Variants in MAPKAP1 observed in about 807,000 individuals in gnomAD.
The protein encoded by MAPKAP1 is target of rapamycin complex 2 subunit MAPKAP1.
MAPKAP1 carries 20 observed loss-of-function variants against 65.7 expected under a neutral mutation model. The ratio of observed to expected loss-of-function variants is 0.30; its 90% CI spans 0.21 to 0.44. The LOEUF (loss-of-function observed/expected upper bound fraction) is 0.44, where lower values mean the gene tolerates loss of function less well. Among genes scored for constraint, MAPKAP1 ranks in the 20% least tolerant of loss-of-function variants. The pLI, the probability that MAPKAP1 is intolerant of heterozygous loss-of-function variation, is 1.00. For synonymous variants in MAPKAP1, 222 were observed against 244.3 expected (o/e 0.91, Z 0.85); for missense variants, 423 against 648.0 (o/e 0.65, Z 3.77).
chr9:125,543,951 C>T (rs527372006), intron 6 of MAPKAP1, among the ~76,000 whole-genome samples: 11 of 152,272 alleles, frequency 7.2e-5, no homozygotes, highest in Non-Finnish European at 1.5e-4. Context: ...GGCAGTAATA[C>T]CCCAAAGTAA....
Position 125,447,667 on chromosome 9 carries a change from G to A in MAPKAP1, c.1346-3069C>T, listed in dbSNP as rs1323016048. 2.0e-5 allele frequency among the ~76,000 whole-genome samples: 3 copies of A among 152,324 alleles called. No homozygotes were observed. The East Asian group carries it at 5.8e-4, about 29-fold the overall frequency. On this transcript the variant is annotated intron_variant, in intron 10 of 11. Transcript: ENST00000265960. This position sits in a 1 kb window ranked among gnomAD's most constrained non-coding sequence, Gnocchi z 4.5. ...GCCAGGAGCATGGGCTAGAGCAAAG[G>A]ACAGAGAAATGAACACCGAGAGTCA...
At chr9:125,635,069 G>A (rs937483287) in intron 4 of MAPKAP1, among the ~76,000 whole-genome samples, 4 of 152,082 alleles carry the variant, frequency 2.6e-5, no homozygotes, top group African/African-American at 9.7e-5. Context: ...CATTCTCTTG[G>A]GCACTAATCT....
In MAPKAP1 at chr9:125,702,200, C is replaced by G. The variant is rs7020172; in HGVS notation, c.-70+4771G>C. Among the ~76,000 whole-genome samples, 526 of 152,226 alleles carry G rather than the reference C, an allele frequency of 3.5e-3. 2 individuals are homozygous for G. Among genetic ancestry groups the G allele is most frequent in the African/African-American group, 0.012 (502 of 41,544 alleles). Reference sequence around the variant, plus strand: ...TCATTTGAAGGCAGGAGTTCAAGACCAGCCTAGGCAACATAGATAGACACC... The same window carrying G: ...TCATTTGAAGGCAGGAGTTCAAGACGAGCCTAGGCAACATAGATAGACACC... On this transcript the variant is annotated intron_variant, in intron 1 of 11. Coordinates refer to ENST00000265960, the MANE Select transcript of MAPKAP1 (RefSeq NM_001006617.3).
chr9:125,609,234 T>C (rs934730818), intron 4 of MAPKAP1, among the ~76,000 whole-genome samples: 8 of 152,324 alleles, frequency 5.3e-5, no homozygotes, highest in East Asian at 3.9e-4. Flanking sequence ...AATTCCTATC[T>C]TTGAGGTCTC....
intron 3 of MAPKAP1, among the ~76,000 whole-genome samples, chr9:125,667,585 G>A (rs1168349546): frequency 6.6e-6 from 1 of 152,020 alleles, no homozygotes; most frequent in Non-Finnish European, 1.5e-5. Flanking sequence ...CTAATTTTTT[G>A]TATTTTTAGT....
At chr9:125,608,042 C>A (rs1320383020) in intron 4 of MAPKAP1, among the ~76,000 whole-genome samples, 1 of 152,164 alleles carries the variant, frequency 6.6e-6, no homozygotes, top group African/African-American at 2.4e-5. Flanking sequence ...GTATGTCACG[C>A]CAGCGCCTGT....
At chr9:125,517,800 T>C (rs1452636834) in intron 7 of MAPKAP1, among the ~76,000 whole-genome samples, 2 of 152,186 alleles carry the variant, frequency 1.3e-5, no homozygotes, top group Non-Finnish European at 2.9e-5. Context: ...TCTGCAGCCC[T>C]GCCTGAATCC....
At chr9:125,690,357 TA>T (rs1835130509) in intron 1 of MAPKAP1, among the ~76,000 whole-genome samples, 1 of 152,156 alleles carries the variant, frequency 6.6e-6, no homozygotes, top group African/African-American at 2.4e-5. Context: ...AAAGAAAAGA[TA>T]ACTACCCTTT....
chr9:125,700,898 C>T (rs1046496970), intron 1 of MAPKAP1, among the ~76,000 whole-genome samples: 15 of 152,316 alleles, frequency 9.8e-5, no homozygotes, highest in African/African-American at 2.9e-4. Flanking sequence ...GGTGTCTCTA[C>T]GCCCCCTTTC....
intron 7 of MAPKAP1, among the ~76,000 whole-genome samples, chr9:125,514,264 C>A (rs537759802): frequency 2.0e-5 from 3 of 152,302 alleles, no homozygotes; most frequent in African/African-American, 4.8e-5. Flanking sequence ...CTTCTCTGTG[C>A]TCCCACACAG....
At position 125,449,889 on chromosome 9, in the gene MAPKAP1, C is replaced by T. The variant is rs117028880; in HGVS notation, c.1346-5291G>A. On this transcript the variant is annotated intron_variant, in intron 10 of 11. Coordinates refer to ENST00000265960, the MANE Select transcript of MAPKAP1 (RefSeq NM_001006617.3). ...GTGCTCCCAGACTTCCACTGCAAAT[C>T]AACTGAAAGAAGGGTCTTTTTTTGA... Among the ~76,000 whole-genome samples the T allele has an allele frequency of 4.7e-3, 721 of 152,218 alleles. 2 individuals carry two copies. The highest frequency in any genetic ancestry group is 6.0e-3 in the Non-Finnish European group (405 of 67,996).
At chr9:125,584,370 GA>G in intron 5 of MAPKAP1, among the ~76,000 whole-genome samples, 1 of 152,284 alleles carries the variant, frequency 6.6e-6, no homozygotes, top group Admixed American at 6.5e-5. Context: ...TATACCTAAA[GA>G]AAAATAAAAA....
intron 4 of MAPKAP1, among the ~76,000 whole-genome samples, chr9:125,597,879 C>T (rs1832185836): frequency 6.6e-6 from 1 of 152,138 alleles, no homozygotes; most frequent in African/African-American, 2.4e-5. Context: ...CCAAAGGATG[C>T]TATATTCTAC....
At chr9:125,693,386 C>G (rs1835226269) in intron 1 of MAPKAP1, among the ~76,000 whole-genome samples, 1 of 147,834 alleles carries the variant, frequency 6.8e-6, no homozygotes, top group African/African-American at 2.5e-5. Flanking sequence ...TGCACTCCAG[C>G]TCAAGTAACA....
At chr9:125,620,972 A>C (rs1832880114) in intron 4 of MAPKAP1, among the ~76,000 whole-genome samples, 1 of 152,096 alleles carries the variant, frequency 6.6e-6, no homozygotes, top group Non-Finnish European at 1.5e-5. Context: ...TAAGATAAGA[A>C]TAACAACAGT....
At chr9:125,665,133 C>T (rs1834304255) in intron 3 of MAPKAP1, among the ~76,000 whole-genome samples, 1 of 152,002 alleles carries the variant, frequency 6.6e-6, no homozygotes, top group African/African-American at 2.4e-5. Flanking sequence ...AAAACCCTGC[C>T]TCTACTAAAA....
intron 5 of MAPKAP1, among the ~76,000 whole-genome samples, chr9:125,573,190 G>C (rs918985835): frequency 3.3e-5 from 5 of 151,696 alleles, no homozygotes; most frequent in African/African-American, 1.2e-4. Flanking sequence ...CTACCAGGCT[G>C]CACTCCCAGA....
intron 4 of MAPKAP1, among the ~76,000 whole-genome samples, chr9:125,625,272 A>AC (rs1564589715): frequency 3.4e-5 from 5 of 147,472 alleles, no homozygotes; most frequent in Non-Finnish European, 6.0e-5. Context: ...AAAAAAAAAA[A>AC]AAAAAAAACA....
chr9:125,483,986 C>A (rs1274030126), intron 9 of MAPKAP1, among the ~76,000 whole-genome samples: 1 of 152,118 alleles, frequency 6.6e-6, no homozygotes, highest in Non-Finnish European at 1.5e-5. Flanking sequence ...ACAAATTAAT[C>A]CCAAATATGA....
Sources: allele counts gnomAD v4.1 joint callset (sites outside exome capture counted in the v4.1 genomes callset), GRCh38; gene constraint gnomAD v4.1.1; non-coding constraint Gnocchi (gnomAD v3.1); transcripts MANE v1.5; gene names NCBI Gene and HGNC (gene_info 2026-07-23, HGNC 2026-07-21).